KANK1: variants seen among roughly 807,000 people sequenced by gnomAD.
KANK1 encodes the protein KN motif and ankyrin repeat domains 1.
KANK1 carries 109 observed loss-of-function variants against 106.2 expected under a neutral mutation model. The observed-to-expected ratio is 1.03, with a 90% CI of 0.88 to 1.20. The LOEUF (loss-of-function observed/expected upper bound fraction) is 1.20. Ranked by LOEUF, KANK1 falls within the 50% of genes most tolerant of loss-of-function variation. The pLI is 0.00. For missense variants in KANK1, 2,399 were observed against 1,710.7 expected, an observed-to-expected ratio of 1.40 and a Z score of -7.10; for synonymous variants, 873 against 652.2, an observed-to-expected ratio of 1.34 and a Z score of -5.16.
chr9:646,139 T>C (rs1392832098), intron 1 of KANK1, among the ~76,000 whole-genome samples: 2 of 150,642 alleles, frequency 1.3e-5, no homozygotes, highest in East Asian at 3.9e-4. Flanking sequence ...GCCATACAGA[T>C]CTTCAGAAAA....
intron 1 of KANK1, among the ~76,000 whole-genome samples, chr9:542,439 G>T (rs1232181234): frequency 1.3e-5 from 2 of 152,346 alleles, no homozygotes; most frequent in South Asian, 2.1e-4. Flanking sequence ...GAGATAAAGG[G>T]ACCCTCTTAG....
rs145976034 is a variant in KANK1 at position 617,675 on chromosome 9, C to T, written c.-83-59215C>T. On this transcript the variant is annotated intron_variant, in intron 1 of 11. Coordinates refer to ENST00000382297, the MANE Select transcript of KANK1 (RefSeq NM_015158.5). ...AAGTTACTTCCCAGGCTGAAATTTT[C>T]CCACCGTAAACTTAGGCTGATAGGC... 5.1e-3 allele frequency among the ~76,000 whole-genome samples: 775 copies of T among 152,276 alleles called. 15 individuals are homozygous for T. The highest frequency in any genetic ancestry group is 0.018 in the African/African-American group (738 of 41,540).
intron 1 of KANK1, among the ~76,000 whole-genome samples, chr9:529,255 A>C (rs1292179318): frequency 6.7e-6 from 1 of 148,486 alleles, no homozygotes; most frequent in African/African-American, 2.6e-5. Flanking sequence ...ACACACACAC[A>C]TATACACACA....
chr9:609,931 T>C (rs1163874899), intron 1 of KANK1, among the ~76,000 whole-genome samples: 2 of 152,182 alleles, frequency 1.3e-5, no homozygotes, highest in East Asian at 1.9e-4. Context: ...CTTATACATA[T>C]ATTTATGTGG....
At chr9:730,455 G>C in intron 4 of KANK1, 1 of 565,570 alleles carries the variant, frequency 1.8e-6, no homozygotes, top group Non-Finnish European at 3.1e-6. Context: ...ACTTTGGGAG[G>C]CCAAGGCAGG....
chr9:580,280 C>A (rs1451545778), intron 1 of KANK1, among the ~76,000 whole-genome samples: 1 of 152,062 alleles, frequency 6.6e-6, no homozygotes, highest in Non-Finnish European at 1.5e-5. Context: ...AAGCTGCAGA[C>A]CTTCCTGGTG....
chr9:628,502 T>G (rs1397761999), intron 1 of KANK1, among the ~76,000 whole-genome samples: 1 of 152,186 alleles, frequency 6.6e-6, no homozygotes, highest in Non-Finnish European at 1.5e-5. Flanking sequence ...GGAAGTTCAT[T>G]TCTTCAGTGT....
intron 1 of KANK1, among the ~76,000 whole-genome samples, chr9:522,175 G>T (rs971812203): frequency 2.0e-5 from 3 of 151,728 alleles, no homozygotes; most frequent in African/African-American, 7.3e-5. Context: ...TTTCATGATG[G>T]TTATTTACTA....
At chr9:568,645 A>G (rs1391414180) in intron 1 of KANK1, among the ~76,000 whole-genome samples, 2 of 152,166 alleles carry the variant, frequency 1.3e-5, no homozygotes, top group Non-Finnish European at 2.9e-5. Flanking sequence ...GTGCATCACC[A>G]TGCCTGCCTA....
rs192974551 is a variant in KANK1, at chr9:697,882, G to A, written c.38-12922G>A. ...GACGATTGAGACTAATAACTGGTAG[G>A]CGGAGGGTGTTATCTGAGTTCTAGA... On this transcript the variant is annotated intron_variant, in intron 2 of 11. Transcript: ENST00000382297. Among the ~76,000 whole-genome samples, 25 of 152,240 alleles carry A rather than the reference G, an allele frequency of 1.6e-4. No homozygotes were observed. In the East Asian group the frequency reaches 4.4e-3, roughly 27 times the overall value.
intron 2 of KANK1, among the ~76,000 whole-genome samples, chr9:690,130 ATACAAAAAAAAAAAAAAAAAAAAAAAC>A (rs1244322242): frequency 7.5e-6 from 1 of 132,592 alleles, no homozygotes; most frequent in Non-Finnish European, 1.6e-5. Flanking sequence ...TCTTCTAAAA[ATACAAAAAAAAAAAAAAAAAAAAAAAC>A]TAGCTGGGTG....
chr9:707,409 C>T (rs1229858668), intron 2 of KANK1, among the ~76,000 whole-genome samples: 1 of 152,282 alleles, frequency 6.6e-6, no homozygotes, highest in African/African-American at 2.4e-5. Flanking sequence ...CACACACATC[C>T]CGGGAGGCCC....
At chr9:714,997 A>T (rs1827297212) in intron 3 of KANK1, among the ~76,000 whole-genome samples, 1 of 152,206 alleles carries the variant, frequency 6.6e-6, no homozygotes, top group Non-Finnish European at 1.5e-5. Context: ...ATCCACAGAA[A>T]TTCCAGTCTT....
intron 2 of KANK1, among the ~76,000 whole-genome samples, chr9:678,158 TC>T (rs1252434360): frequency 1.3e-5 from 2 of 152,210 alleles, no homozygotes; most frequent in African/African-American, 4.8e-5. Context: ...GGATGACTGA[TC>T]TTTCCCTGTC....
chr9:659,159 T>G (rs1350930998), intron 1 of KANK1, among the ~76,000 whole-genome samples: 1 of 152,258 alleles, frequency 6.6e-6, no homozygotes, highest in Non-Finnish European at 1.5e-5. Context: ...TATTACATGC[T>G]GAGTTCTCAG....
intron 1 of KANK1, among the ~76,000 whole-genome samples, chr9:557,188 G>GAA (rs35320012): frequency 2.6e-4 from 29 of 113,498 alleles, no homozygotes; most frequent in African/African-American, 9.2e-4. Context: ...GTCTCAAAAG[G>GAA]AAAAAAAAAA....
rs1306995337 is a variant in KANK1, at chr9:686,889, G to C, written c.37+9880G>C. 13 of 985,238 alleles carry C rather than the reference G, an allele frequency of 1.3e-5. 1 individual carries two copies. The highest frequency in any genetic ancestry group is 5.2e-4 in the Middle Eastern group (1 of 1,936). The allele number at this position is 985,238 out of a possible 1,614,324, so 61.0% of individuals were successfully genotyped here. A position where few individuals can be genotyped will look rare whatever the true frequency, so the allele number is the denominator to read the frequency against. On this transcript the variant is annotated intron_variant, in intron 2 of 11. Transcript: ENST00000382297. ...ACACCTCAGGACACTGATTGTAAAT[G>C]AAGAATCCTGAGACTAAACATCTTC...
chr9:730,302 C>A, intron 4 of KANK1, 54 bp downstream of exon 4: 2 of 1,524,590 alleles, frequency 1.3e-6, no homozygotes, highest in South Asian at 1.1e-5. Flanking sequence ...CCAGCATTGC[C>A]AGCATTCCAA....
chr9:512,993 G>A (rs1295554303), intron 1 of KANK1, among the ~76,000 whole-genome samples: 1 of 152,136 alleles, frequency 6.6e-6, no homozygotes, highest in African/African-American at 2.4e-5. Flanking sequence ...GAAAACTCAG[G>A]TTTGTTGAAG....
Sources: gnomAD v4.1 joint callset for allele counts (sites outside exome capture counted in the v4.1 genomes callset) on GRCh38, gnomAD v4.1.1 for gene constraint, MANE v1.5 for transcripts, NCBI Gene and HGNC (gene_info 2026-07-23, HGNC 2026-07-21) for gene names.